Variants in COL25A1 observed in about 807,000 individuals in gnomAD.
COL25A1 encodes collagen type XXV alpha 1 chain, also known as collagen alpha-1(XXV) chain.
Under a neutral mutation model 128.4 loss-of-function variants are expected in COL25A1, and 103 were observed. The ratio of observed to expected loss-of-function variants is 0.80; its 90% CI spans 0.68 to 0.94. COL25A1 has a LOEUF of 0.94. COL25A1 is among the 40% of genes least tolerant of loss of function. The pLI is 0.00. For synonymous variants in COL25A1, 279 were observed against 277.2 expected (o/e 1.01, Z -0.06); for missense variants, 745 against 840.0 (o/e 0.89, Z 1.40).
At chr4:109,219,706 T>C (rs1349964224) in intron 3 of COL25A1, among the ~76,000 whole-genome samples, 1 of 152,198 alleles carries the variant, frequency 6.6e-6, no homozygotes, top group Non-Finnish European at 1.5e-5. Context: ...CCTATGACTT[T>C]GTTGACTAAT....
intron 16 of COL25A1, among the ~76,000 whole-genome samples, chr4:108,891,711 G>GTT (rs1203179628): frequency 6.2e-5 from 9 of 144,230 alleles, no homozygotes; most frequent in African/African-American, 2.3e-4. Flanking sequence ...CGTGTTTTAG[G>GTT]TTTTTTTTTT....
intron 19 of COL25A1, among the ~76,000 whole-genome samples, chr4:108,883,065 G>A (rs375541732): frequency 6.6e-6 from 1 of 151,966 alleles, no homozygotes; most frequent in Non-Finnish European, 1.5e-5. Context: ...TTTTAGAGAC[G>A]GAATAGCACT....
intron 3 of COL25A1, among the ~76,000 whole-genome samples, chr4:109,066,831 T>G (rs989582877): frequency 5.3e-5 from 8 of 151,984 alleles, no homozygotes; most frequent in African/African-American, 1.9e-4. Flanking sequence ...CCTGGCTAAT[T>G]TTTTTATTGC....
At chr4:109,164,571 G>A (rs1772892923) in intron 3 of COL25A1, among the ~76,000 whole-genome samples, 1 of 152,112 alleles carries the variant, frequency 6.6e-6, no homozygotes, top group Non-Finnish European at 1.5e-5. Flanking sequence ...TCCAACTAGT[G>A]CAAGTTTGTA....
chr4:109,033,737 AG>A (rs913741932), intron 5 of COL25A1, among the ~76,000 whole-genome samples: 1 of 152,092 alleles, frequency 6.6e-6, no homozygotes, highest in African/African-American at 2.4e-5. Context: ...TAATCTTTGC[AG>A]GGAAAAAAAA....
chr4:109,016,810 T>C (rs951125372), intron 5 of COL25A1, among the ~76,000 whole-genome samples: 2 of 152,314 alleles, frequency 1.3e-5, no homozygotes, highest in Non-Finnish European at 2.9e-5. Context: ...TCCTGAGAGC[T>C]GTTCTGTTGC....
At chr4:109,142,277 G>T (rs1392390147) in intron 3 of COL25A1, among the ~76,000 whole-genome samples, 1 of 150,778 alleles carries the variant, frequency 6.6e-6, no homozygotes, top group Non-Finnish European at 1.5e-5. Context: ...TTTGATTGCA[G>T]TCTGAGAGAC....
intron 3 of COL25A1, among the ~76,000 whole-genome samples, chr4:109,277,090 A>C (rs1722921417): frequency 6.6e-6 from 1 of 152,238 alleles, no homozygotes; most frequent in Non-Finnish European, 1.5e-5. Flanking sequence ...AAAATACTGC[A>C]TGCATGATTC....
chr4:109,069,984 T>TTA lies in COL25A1; in HGVS notation c.368-19806_368-19805insTA, dbSNP rs1560633370. ...AGAGCAATAATTTTTTTTTTTTTTTTAAACCCTCTCACCTGTAATCCCAGC... is the reference window on the plus strand; with the variant it reads ...AGAGCAATAATTTTTTTTTTTTTTTTTAAAACCCTCTCACCTGTAATCCCAGC... On this transcript the variant is annotated intron_variant, in intron 3 of 37. Coordinates refer to ENST00000399132, the MANE Select transcript of COL25A1 (RefSeq NM_198721.4). 2.7e-5 allele frequency among the ~76,000 whole-genome samples: 4 copies of TTA among 149,542 alleles called. No individual in the cohort carries two copies. The South Asian group carries it at 8.5e-4, about 32-fold the overall frequency.
intron 3 of COL25A1, among the ~76,000 whole-genome samples, chr4:109,177,320 T>C (rs1774195276): frequency 1.3e-5 from 2 of 152,154 alleles, no homozygotes; most frequent in Admixed American, 1.3e-4. Flanking sequence ...AGTTAAAACG[T>C]AGTGTAAACA....
intron 6 of COL25A1, among the ~76,000 whole-genome samples, chr4:109,003,224 A>T (rs1424600420): frequency 6.6e-6 from 1 of 152,230 alleles, no homozygotes; most frequent in Non-Finnish European, 1.5e-5. Flanking sequence ...CATCTGACAA[A>T]GGTTTAATAT....
intron 3 of COL25A1, among the ~76,000 whole-genome samples, chr4:109,161,626 T>A (rs916440641): frequency 7.2e-5 from 11 of 152,238 alleles, no homozygotes; most frequent in Non-Finnish European, 1.3e-4. Context: ...GGAAGCCAAA[T>A]ATCTTCTTTG....
intron 6 of COL25A1, among the ~76,000 whole-genome samples, chr4:108,988,700 A>G (rs911708598): frequency 6.6e-6 from 1 of 152,224 alleles, no homozygotes; most frequent in Non-Finnish European, 1.5e-5. Context: ...TCCTGAAACC[A>G]TGGCAAATGC....
At chr4:109,190,177 C>A (rs572864286) in intron 3 of COL25A1, among the ~76,000 whole-genome samples, 1 of 151,920 alleles carries the variant, frequency 6.6e-6, no homozygotes, top group African/African-American at 2.4e-5. Context: ...GCAGAGCCAG[C>A]CTATTATTTT....
intron 3 of COL25A1, among the ~76,000 whole-genome samples, chr4:109,178,278 T>C (rs1465585164): frequency 6.6e-6 from 1 of 152,164 alleles, no homozygotes; most frequent in Non-Finnish European, 1.5e-5. Flanking sequence ...TTCAACTACG[T>C]TGGGTAAGGA....
At chr4:108,888,335 G>A (rs544586106) in intron 18 of COL25A1, among the ~76,000 whole-genome samples, 1 of 152,196 alleles carries the variant, frequency 6.6e-6, no homozygotes, top group South Asian at 2.1e-4. Flanking sequence ...CTGCTAATAG[G>A]TAAATTTTAT....
chr4:108,848,542 A>C (rs1735374767), intron 27 of COL25A1, among the ~76,000 whole-genome samples: 2 of 152,148 alleles, frequency 1.3e-5, no homozygotes, highest in South Asian at 2.1e-4. Context: ...GGTTGATATA[A>C]AGTATTAAGA....
In COL25A1 at chr4:109,108,433, C is replaced by A. The variant is rs569808228; in HGVS notation, c.368-58254G>T. ...ATTTTCTTAATCCAGTCTATCATTG[C>A]TGGACATTTGGCTTGGTTCCAAGTC... On this transcript the variant is annotated intron_variant, in intron 3 of 37. Coordinates refer to ENST00000399132, the MANE Select transcript of COL25A1 (RefSeq NM_198721.4). 1.4e-4 allele frequency among the ~76,000 whole-genome samples: 22 copies of A among 152,156 alleles called. No individual in the cohort carries two copies. In the East Asian group the frequency reaches 4.3e-3, roughly 29 times the overall value.
chr4:108,908,712 G>A (rs192369331), intron 13 of COL25A1, among the ~76,000 whole-genome samples: 1 of 152,278 alleles, frequency 6.6e-6, no homozygotes, highest in African/African-American at 2.4e-5. Context: ...TCACACAGAG[G>A]CGGCTGTGCA....
Sources: gnomAD v4.1 joint callset for allele counts (sites outside exome capture counted in the v4.1 genomes callset) on GRCh38, gnomAD v4.1.1 for gene constraint, MANE v1.5 for transcripts, NCBI Gene and HGNC (gene_info 2026-07-23, HGNC 2026-07-21) for gene names.